Variants in PRX observed in about 807,000 individuals in gnomAD.
The protein encoded by PRX is periaxin.
Under a neutral mutation model 29.6 loss-of-function variants are expected in PRX, and 24 were observed. That is an observed-to-expected ratio of 0.81 (90% CI 0.59 to 1.14). The LOEUF (loss-of-function observed/expected upper bound fraction) is 1.14, where lower values mean the gene tolerates loss of function less well. Among genes scored for constraint, PRX ranks in the 50% most tolerant of loss-of-function variants. The pLI is 0.00. For synonymous variants in PRX, 772 were observed against 831.7 expected, an observed-to-expected ratio of 0.93 and a Z score of 1.24; for missense variants, 1,838 against 1,926.4, an observed-to-expected ratio of 0.95 and a Z score of 0.86.
At chr19:40,405,409 G>A (rs1405783932) in intron 4 of PRX, among the ~76,000 whole-genome samples, 2 of 152,086 alleles carry the variant, frequency 1.3e-5, no homozygotes, top group Non-Finnish European at 2.9e-5. Context: ...CATGGCCAAC[G>A]CACTGGGGCC....
At position 40,398,824 on chromosome 19, in the gene PRX, C is replaced by T. The variant is rs768814221; in HGVS notation, c.185-8G>A. The T allele has an allele frequency of 5.0e-6, 8 of 1,613,822 alleles. No individual in the cohort carries two copies. The highest frequency in any genetic ancestry group is 5.1e-6 in the Non-Finnish European group (6 of 1,179,944). On this transcript the variant is annotated splice_region_variant and splice_polypyrimidine_tract_variant and intron_variant, in intron 5 of 6. Transcript: ENST00000324001. The surrounding 1 kb of genome is among the most constrained non-coding windows in gnomAD (Gnocchi z 6.3). ...CACTCAGCAGCTGGTCCCCTGCGGG[C>T]GAGGTGGAGGTGCGCAGCACGTGGG...
At chr19:40,404,761 CAG>C (rs146840822) in intron 4 of PRX, among the ~76,000 whole-genome samples, 426 of 151,900 alleles carry the variant, frequency 2.8e-3, no homozygotes, top group Non-Finnish European at 4.1e-3. Context: ...TTTTAAGAGA[CAG>C]GGGTATCACT....
rs775919265 is a variant in PRX at position 40,395,284 on chromosome 19, A to G, written c.3068T>C (p.Leu1023Pro). Reference sequence around the variant, plus strand: ...CCGGCCTCTGACCCCAAACTTGGGGAGAGCAAACCTGGGCCCCTTGAACTT... The same window carrying G: ...CCGGCCTCTGACCCCAAACTTGGGGGGAGCAAACCTGGGCCCCTTGAACTT... The part of the protein sequence containing the change: ...DLKFKGPRFA[L>P]PKFGVRGRDT... Residue 1023 changes from leucine (L) to proline (P), a missense_variant, in exon 7 of 7, where the codon CTC (leucine) becomes CCC (proline). Leu to Pro is a moderately conservative substitution (Grantham distance 98). Around this residue, in one of 3 missense-constraint regions of PRX, gnomAD observed 1,143 missense variants for 1,193.0 expected, o/e 0.96. Transcript: ENST00000324001. The G allele has an allele frequency of 1.2e-6, 2 of 1,613,546 alleles. No homozygotes were observed. The highest frequency in any genetic ancestry group is 4.5e-5 in the East Asian group (2 of 44,842).
rs1310094588 is a variant in PRX, at chr19:40,398,522, G to C, written c.381+98C>G. 1 of 1,584,314 alleles carries C rather than the reference G, an allele frequency of 6.3e-7. No homozygotes were observed. Among genetic ancestry groups the C allele is most frequent in the Admixed American group, 1.7e-5 (1 of 59,256 alleles). On this transcript the variant is annotated intron_variant, in intron 6 of 6. Transcript: ENST00000324001. The surrounding 1 kb of genome is among the most constrained non-coding windows in gnomAD (Gnocchi z 6.3). ...TAGCTTGGGTTAGTGACAAGACAGA[G>C]GGCAAGGCTGGCCCACGATGGCGGG... is the stretch of plus-strand genomic sequence containing the variant.
chr19:40,404,875 G>A (rs563385880), intron 4 of PRX, among the ~76,000 whole-genome samples: 2 of 152,002 alleles, frequency 1.3e-5, no homozygotes, highest in African/African-American at 4.8e-5. Context: ...CATCTGGCCC[G>A]GAGACCCATA....
At chr19:40,402,029 T>G (rs2079497995) in intron 5 of PRX, among the ~76,000 whole-genome samples, 2 of 152,056 alleles carry the variant, frequency 1.3e-5, no homozygotes, top group Non-Finnish European at 2.9e-5. Flanking sequence ...GCTAGGATTA[T>G]GCACCCAGCC....
At chr19:40,402,672 G>A (rs1359380853) in intron 5 of PRX, among the ~76,000 whole-genome samples, 1 of 151,240 alleles carries the variant, frequency 6.6e-6, no homozygotes, top group Non-Finnish European at 1.5e-5. Context: ...CTACTAGGGA[G>A]GCTGAGGCAG....
chr19:40,399,866 T>C (rs1196616303), intron 5 of PRX, among the ~76,000 whole-genome samples: 1 of 64,576 alleles, frequency 1.5e-5, no homozygotes, highest in East Asian at 2.5e-4. Flanking sequence ...TTTCTTTCTT[T>C]CTTTCTTTCT....
chr19:40,396,026 G>C lies in PRX; in HGVS notation c.2326C>G (p.Leu776Val). The change falls in exon 7 of 7, where the codon CTG becomes GTG. Residue 776 changes from leucine to valine, a missense_variant. Coordinates refer to ENST00000324001, the MANE Select transcript of PRX (RefSeq NM_181882.3). ...VHLPKAPEVK[L>V]PRAPEVQLKA... The stretch of plus-strand genomic sequence containing the variant: ...AGCTGCACCTCCGGAGCCCTGGGCA[G>C]CTTCACCTCTGGTGCCTTCGGAAGA... The C allele has an allele frequency of 6.2e-7, 1 of 1,614,036 alleles. No homozygotes were observed. The highest frequency in any genetic ancestry group is 8.5e-7 in the Non-Finnish European group (1 of 1,180,036).
chr19:40,410,600 G>A (rs1029212405), intron 1 of PRX, among the ~76,000 whole-genome samples: 2 of 152,140 alleles, frequency 1.3e-5, no homozygotes, highest in African/African-American at 2.4e-5. Context: ...CGGGCTGGGC[G>A]CGTGGCTTAG....
rs377360814 is a variant in PRX at position 40,396,057 on chromosome 19, G to A, written c.2295C>T (p.Asp765=). ...CCTCTGGTGCCTTCGGAAGATGCACGTCGGGAACCTTCGGCACTTGCATTT... is the reference window on the plus strand; with the variant it reads ...CCTCTGGTGCCTTCGGAAGATGCACATCGGGAACCTTCGGCACTTGCATTT... ...LPEMQVPKVP[D]VHLPKAPEVK... The change falls in exon 7 of 7, where the codon GAC becomes GAT. Residue 765 remains aspartate (D), a synonymous_variant. Coordinates refer to ENST00000324001, the MANE Select transcript of PRX (RefSeq NM_181882.3). 1.4e-5 allele frequency: 23 copies of A among 1,613,992 alleles called. No homozygotes were observed. The Admixed American group carries it at 1.5e-4, about 11-fold the overall frequency.
rs1277347566 is a variant in PRX at position 40,397,968 on chromosome 19, G to A, written c.384C>T (p.Asn128=). 5 of 1,608,530 alleles carry A rather than the reference G, an allele frequency of 3.1e-6. No individual in the cohort carries two copies. In the Admixed American group the frequency reaches 8.5e-5, roughly 27 times the overall value. The part of the protein sequence containing the change: ...KGPRAKVAKL[N]IQSLSPVKKK... ...TCTTCACAGGGGACAGACTCTGGAT[G>A]TTCTGGGGAGAGAGGAGAGAGGCAG... Residue 128 remains asparagine (N), a splice_region_variant and synonymous_variant, in exon 7 of 7, where the codon AAC becomes AAT. Coordinates refer to ENST00000324001, the MANE Select transcript of PRX (RefSeq NM_181882.3).
rs1399557866 is a variant in PRX at position 40,394,415 on chromosome 19, G to A, written c.3937C>T (p.Leu1313=). The part of the protein sequence containing the change: ...KLKVRLPRFG[L]VRAKEGAEEG... ...TCGGCCCCCTCCTTGGCCCGCACCA[G>A]GCCAAACCGGGGCAGCCGTACCTTG... The change falls in exon 7 of 7, where the codon CTG becomes TTG. Residue 1313 remains leucine (L), a synonymous_variant. Transcript: ENST00000324001. This position sits in a 1 kb window ranked among gnomAD's most constrained non-coding sequence, Gnocchi z 5.8. 1 of 1,601,370 alleles carries A rather than the reference G, an allele frequency of 6.2e-7. No homozygotes were observed. Among genetic ancestry groups the A allele is most frequent in the East Asian group, 2.3e-5 (1 of 43,956 alleles).
intron 4 of PRX, chr19:40,407,552 C>T (rs1034943529): frequency 4.8e-6 from 2 of 418,450 alleles, no homozygotes; most frequent in South Asian, 2.4e-5. Context: ...CCTCCTGCCT[C>T]GGCCTCCCAA....
In PRX at chr19:40,394,520, C is replaced by T. The variant is rs377639106; in HGVS notation, c.3832G>A (p.Asp1278Asn). The T allele has an allele frequency of 1.6e-5, 26 of 1,600,744 alleles. No homozygotes were observed. The African/African-American group carries it at 2.0e-4, about 12-fold the overall frequency. The change falls in exon 7 of 7, where the codon GAC (aspartate) becomes AAC (asparagine). Residue 1278 changes from aspartate (D) to asparagine (N), a missense_variant. Asp to Asn is a conservative substitution (Grantham distance 23). Around this residue, in one of 3 missense-constraint regions of PRX, gnomAD observed 1,143 missense variants for 1,193.0 expected, o/e 0.96. Coordinates refer to ENST00000324001, the MANE Select transcript of PRX (RefSeq NM_181882.3). The surrounding 1 kb of genome is among the most constrained non-coding windows in gnomAD (Gnocchi z 5.8). ...AERTFCLSLP[D>N]VELSPSGGNH... ...CCCCCGGATGGCGAGAGCTCCACGT[C>T]GGGCAGTGAGAGGCAGAAGGTACGC...
chr19:40,404,866 A>C (rs958296143), intron 4 of PRX, among the ~76,000 whole-genome samples: 12 of 152,076 alleles, frequency 7.9e-5, no homozygotes, highest in African/African-American at 2.4e-4. Flanking sequence ...GAGCCACTGC[A>C]TCTGGCCCGG....
chr19:40,403,824 C>G lies in PRX; in HGVS notation c.66G>C (p.Glu22Asp). Residue 22 changes from glutamate to aspartate, a missense_variant, in exon 5 of 7, where the codon GAG becomes GAC. Glu to Asp is a conservative substitution (Grantham distance 45). Transcript: ENST00000324001. Reference protein sequence around the residue: ...RRAELVEIIVETEAQTGVSGI... With the variant: ...RRAELVEIIVDTEAQTGVSGI... ...CGCTGACCCCGGTCTGCGCCTCCGT[C>G]TCCACGATAATTTCCACCAACTCCG... 1 of 1,608,042 alleles carries G rather than the reference C, an allele frequency of 6.2e-7. No homozygotes were observed. Among genetic ancestry groups the G allele is most frequent in the Non-Finnish European group, 8.5e-7 (1 of 1,178,780 alleles).
At chr19:40,399,909 CTT>C in intron 5 of PRX, among the ~76,000 whole-genome samples, 1 of 97,270 alleles carries the variant, frequency 1.0e-5, no homozygotes, top group African/African-American at 4.4e-5. Flanking sequence ...CTTTCTTTTT[CTT>C]TCTTTCTTTC....
chr19:40,397,448 A>G lies in PRX; in HGVS notation c.904T>C (p.Ser302Pro). 2 of 1,591,374 alleles carry G rather than the reference A, an allele frequency of 1.3e-6. No homozygotes were observed. The highest frequency in any genetic ancestry group is 1.7e-6 in the Non-Finnish European group (2 of 1,170,366). Residue 302 changes from serine to proline, a missense_variant, in exon 7 of 7, where the codon TCA becomes CCA. Physicochemically the swap from Ser to Pro is moderately conservative, Grantham distance 74 (BLOSUM62 -1). Transcript: ENST00000324001. ...GGAAGTGTGGGCAGAGTGGGCAGTG[A>G]GGGCAAGGCAGGCAGCTCCACCTGG... ...VPQVELPALP[S>P]LPTLPTLPCL...
Sources: allele counts gnomAD v4.1 joint callset (sites outside exome capture counted in the v4.1 genomes callset), GRCh38; gene constraint gnomAD v4.1.1; regional missense constraint gnomAD v4.1.1; non-coding constraint Gnocchi (gnomAD v3.1); transcripts MANE v1.5; gene names NCBI Gene and HGNC (gene_info 2026-07-23, HGNC 2026-07-21).